CTNNA3: variants seen among roughly 807,000 people sequenced by gnomAD.
The protein encoded by CTNNA3 is catenin alpha 3.
CTNNA3 carries 76 observed loss-of-function variants against 95.7 expected under a neutral mutation model. The ratio of observed to expected loss-of-function variants is 0.79; its 90% CI spans 0.66 to 0.96. CTNNA3 has a LOEUF of 0.96. Among genes scored for constraint, CTNNA3 ranks in the 40% least tolerant of loss-of-function variants. The probability of loss-of-function intolerance (pLI) is 0.00; values close to 1 mark genes in which losing one functional copy is unlikely to be tolerated. For synonymous variants in CTNNA3, 431 were observed against 374.4 expected (o/e 1.15, Z -1.74); for missense variants, 1,191 against 1,089.8 (o/e 1.09, Z -1.31).
chr10:67,632,382 CTCGCTGCCGGCACCAAGATGGACAAT>C (rs1839173771), intron 2 of CTNNA3, among the ~76,000 whole-genome samples: 1 of 151,980 alleles, frequency 6.6e-6, no homozygotes, highest in Non-Finnish European at 1.5e-5. Context: ...GAGCCCCAAC[CTCGCTGCCGGCACCAAGATGGACAAT>C]TAGAAGCAGC....
At chr10:66,636,296 C>T (rs933036717) in intron 9 of CTNNA3, among the ~76,000 whole-genome samples, 2 of 151,928 alleles carry the variant, frequency 1.3e-5, no homozygotes, top group Non-Finnish European at 2.9e-5. Context: ...TAAGCTATTA[C>T]AGGTTTAATC....
At chr10:66,240,184 T>G (rs1049144806) in intron 13 of CTNNA3, among the ~76,000 whole-genome samples, 9 of 152,052 alleles carry the variant, frequency 5.9e-5, no homozygotes, top group Non-Finnish European at 1.2e-4. Context: ...TGCCACTTTC[T>G]ACCTTTCTAT....
chr10:66,560,042 T>G lies in CTNNA3; in HGVS notation c.1375-39269A>C, dbSNP rs188686417. On this transcript the variant is annotated intron_variant, in intron 10 of 17. Transcript: ENST00000433211. ...TGGAGAGAGGACGGGATTGCATGAC[T>G]CACAGGGATTTCTCAGAAATGGTGG... Among the ~76,000 whole-genome samples the G allele has an allele frequency of 2.0e-5, 3 of 152,218 alleles. 1 individual carries two copies. The highest frequency in any genetic ancestry group is 7.2e-5 in the African/African-American group (3 of 41,542).
chr10:67,148,017 C>T (rs1860921246), intron 7 of CTNNA3, among the ~76,000 whole-genome samples: 1 of 152,030 alleles, frequency 6.6e-6, no homozygotes, highest in African/African-American at 2.4e-5. Flanking sequence ...GTTATTAGGA[C>T]CTAACAGCAT....
chr10:66,838,198 G>A (rs1195001144), intron 7 of CTNNA3, among the ~76,000 whole-genome samples: 5 of 152,098 alleles, frequency 3.3e-5, no homozygotes, highest in African/African-American at 4.8e-5. Flanking sequence ...ACAGACTAGG[G>A]AGAGGGAGTG....
At chr10:66,683,806 G>C (rs929332407) in intron 9 of CTNNA3, among the ~76,000 whole-genome samples, 4 of 152,078 alleles carry the variant, frequency 2.6e-5, no homozygotes, top group Non-Finnish European at 4.4e-5. Context: ...TGTATTTTGG[G>C]CTGGTTTGAA....
chr10:66,833,830 G>GATTTCA lies in CTNNA3; in HGVS notation c.1048-58312_1048-58307dup, dbSNP rs1212987281. On this transcript the variant is annotated intron_variant, in intron 7 of 17. Transcript: ENST00000433211. Reference sequence around the variant, plus strand: ...GTGTTTTCTCAAGATGGACTAATAGGATTTCACGAATCCTGTTTCAAGTAT... The same window carrying GATTTCA: ...GTGTTTTCTCAAGATGGACTAATAGGATTTCAATTTCACGAATCCTGTTTCAAGTAT... Among the ~76,000 whole-genome samples, 10 of 152,176 alleles carry GATTTCA rather than the reference G, an allele frequency of 6.6e-5. 1 individual carries two copies. The East Asian group carries it at 1.9e-3, about 29-fold the overall frequency.
intron 5 of CTNNA3, among the ~76,000 whole-genome samples, chr10:67,230,750 C>T (rs143501440): frequency 0.036 from 5,421 of 152,302 alleles, 201 homozygotes; most frequent in South Asian, 0.18. Flanking sequence ...TTCTGCATTT[C>T]CATCTGAGGT....
chr10:66,840,323 A>ATCTCTTTCTC (rs1843007579), intron 7 of CTNNA3, among the ~76,000 whole-genome samples: 4 of 90,670 alleles, frequency 4.4e-5, no homozygotes, highest in African/African-American at 1.6e-4. Flanking sequence ...CCAAGAAGCC[A>ATCTCTTTCTC]TCTCTCTCTC....
At chr10:66,983,303 T>C (rs761874657) in intron 7 of CTNNA3, among the ~76,000 whole-genome samples, 2 of 152,114 alleles carry the variant, frequency 1.3e-5, no homozygotes, top group African/African-American at 4.8e-5. Context: ...AATCAGGAGC[T>C]GGCATAAGAC....
At position 67,564,715 on chromosome 10, in the gene CTNNA3, A is replaced by G. The variant is rs866595180; in HGVS notation, c.293-25046T>C. ...TATATATATATATATATATATATAT[A>G]TATCACTATGATCAGGTGGGTTTTA... On this transcript the variant is annotated intron_variant, in intron 3 of 17. Transcript: ENST00000433211. 1.3e-4 allele frequency among the ~76,000 whole-genome samples: 11 copies of G among 86,344 alleles called. 2 individuals carry two copies. Among genetic ancestry groups the G allele is most frequent in the African/African-American group, 4.5e-4 (11 of 24,374 alleles). 56.6% of individuals were successfully genotyped at this position (86,344 alleles called of 152,430 possible). A position where few individuals can be genotyped will look rare whatever the true frequency, so the allele number is the denominator to read the frequency against.
chr10:66,879,198 G>C (rs1468848718), intron 7 of CTNNA3, among the ~76,000 whole-genome samples: 2 of 152,054 alleles, frequency 1.3e-5, no homozygotes, highest in African/African-American at 4.8e-5. Context: ...CCTAATCATG[G>C]TATTAAGACA....
At chr10:67,159,266 G>C (rs779298663) in intron 7 of CTNNA3, among the ~76,000 whole-genome samples, 36 of 152,194 alleles carry the variant, frequency 2.4e-4, no homozygotes, top group Non-Finnish European at 3.4e-4. Flanking sequence ...CCTTAAAAGG[G>C]ACAGGAATTG....
At chr10:67,702,329 T>C (rs1841046183) in intron 1 of CTNNA3, among the ~76,000 whole-genome samples, 1 of 152,300 alleles carries the variant, frequency 6.6e-6, no homozygotes, top group East Asian at 1.9e-4. Context: ...ATACATTTTT[T>C]TCAGCACCAC....
At chr10:66,648,797 T>C (rs1334396142) in intron 9 of CTNNA3, among the ~76,000 whole-genome samples, 1 of 152,192 alleles carries the variant, frequency 6.6e-6, no homozygotes, top group African/African-American at 2.4e-5. Flanking sequence ...CTCCTTTAGA[T>C]ATGCTGATTT....
intron 7 of CTNNA3, among the ~76,000 whole-genome samples, chr10:66,802,103 C>T (rs2132236145): frequency 6.6e-6 from 1 of 151,682 alleles, no homozygotes; most frequent in Non-Finnish European, 1.5e-5. Context: ...TTAAAACTGT[C>T]CATAACTGTA....
intron 7 of CTNNA3, among the ~76,000 whole-genome samples, chr10:66,950,028 T>C (rs1052882407): frequency 6.6e-6 from 1 of 152,196 alleles, no homozygotes; most frequent in Non-Finnish European, 1.5e-5. Context: ...TGTTTCTCTA[T>C]GCAATTACTC....
rs543140644 is a variant in CTNNA3 at position 65,940,254 on chromosome 10, T to C, written c.2401-19637A>G. ...TTCTAAGCCACAAGAAATTTTAAAG[T>C]ACTAGTCAATATTGTTTCATAACAG... is the stretch of plus-strand genomic sequence containing the variant. On this transcript the variant is annotated intron_variant, in intron 17 of 17. Coordinates refer to ENST00000433211, the MANE Select transcript of CTNNA3 (RefSeq NM_013266.4). Among the ~76,000 whole-genome samples the C allele has an allele frequency of 2.0e-5, 3 of 152,290 alleles. No homozygotes were observed. The East Asian group carries it at 5.8e-4, about 29-fold the overall frequency.
chr10:66,364,986 G>A (rs2092701500), intron 12 of CTNNA3, among the ~76,000 whole-genome samples: 1 of 152,130 alleles, frequency 6.6e-6, no homozygotes, highest in African/African-American at 2.4e-5. Context: ...CTGGTAAGAT[G>A]TGCATTGTAT....
Sources: allele counts gnomAD v4.1 joint callset (sites outside exome capture counted in the v4.1 genomes callset), GRCh38; gene constraint gnomAD v4.1.1; transcripts MANE v1.5; gene names NCBI Gene and HGNC (gene_info 2026-07-23, HGNC 2026-07-21).